The following MTURN variants were observed in gnomAD, a reference collection of about 807,000 sequenced individuals.
MTURN encodes the protein maturin, neural progenitor differentiation regulator homolog.
Under a neutral mutation model 14.9 loss-of-function variants are expected in MTURN, and 7 were observed. The observed-to-expected ratio is 0.47, with a 90% confidence interval of 0.27 to 0.88. The LOEUF is 0.88. MTURN is among the 40% of genes least tolerant of loss of function. The pLI, the probability that MTURN is intolerant of heterozygous loss-of-function variation, is 0.14. For synonymous variants in MTURN, 69 were observed against 72.5 expected, an observed-to-expected ratio of 0.95 and a Z score of 0.25; for missense variants, 151 against 174.1, an observed-to-expected ratio of 0.87 and a Z score of 0.75.
intron 1 of MTURN, among the ~76,000 whole-genome samples, chr7:30,142,694 C>T (rs543397303): frequency 8.6e-4 from 131 of 152,302 alleles, no homozygotes; most frequent in African/African-American, 3.0e-3. Flanking sequence ...CCCCCCAGCA[C>T]GCAACTCTGA....
chr7:30,141,503 C>G (rs1797052731), intron 1 of MTURN: 1 of 151,268 alleles, frequency 6.6e-6, no homozygotes, highest in Non-Finnish European at 1.5e-5. Context: ...CCATCTGTTT[C>G]CAGGACAAGA....
chr7:30,151,747 T>A (rs1457197518), intron 2 of MTURN, among the ~76,000 whole-genome samples: 1 of 152,182 alleles, frequency 6.6e-6, no homozygotes, highest in Admixed American at 6.5e-5. Context: ...TGGCCCGGCC[T>A]GGAGTTGGGT....
At chr7:30,142,442 A>G (rs1407286496) in intron 1 of MTURN, among the ~76,000 whole-genome samples, 2 of 152,134 alleles carry the variant, frequency 1.3e-5, no homozygotes, top group Non-Finnish European at 2.9e-5. Flanking sequence ...CACACCACCC[A>G]CAACCCCCTT....
At chr7:30,155,378 A>G (rs1169615688) in intron 2 of MTURN, among the ~76,000 whole-genome samples, 3 of 152,334 alleles carry the variant, frequency 2.0e-5, no homozygotes, top group Admixed American at 2.0e-4. Context: ...TTACCTTGCT[A>G]TGTCATCGAG....
chr7:30,135,109 G>A lies in MTURN; in HGVS notation c.-28G>A. On this transcript the variant is annotated 5_prime_UTR_variant, in exon 1 of 3. Coordinates refer to ENST00000324453, the MANE Select transcript of MTURN (RefSeq NM_152793.3). ...GGCGCCTAGGAGCGGGAGGGCGGGC[G>A]GCGGCGGGAGGCGGGCGCGGGGCCG... is the stretch of plus-strand genomic sequence containing the variant. 3.6e-6 allele frequency: 5 copies of A among 1,408,432 alleles called. No individual in the cohort carries two copies. Among genetic ancestry groups the A allele is most frequent in the Non-Finnish European group, 4.7e-6 (5 of 1,067,254 alleles). The allele number at this position is 1,408,432 out of a possible 1,614,324, so 87.2% of individuals were successfully genotyped here. A position where few individuals can be genotyped will look rare whatever the true frequency, so the allele number is the denominator to read the frequency against.
At chr7:30,146,739 A>T (rs1158038952) in intron 2 of MTURN, among the ~76,000 whole-genome samples, 6 of 152,170 alleles carry the variant, frequency 3.9e-5, no homozygotes, top group African/African-American at 1.4e-4. Context: ...ATGGAAAAGG[A>T]TGAAACTGGA....
At chr7:30,156,563 AC>A (rs1235785626) in intron 2 of MTURN, among the ~76,000 whole-genome samples, 1 of 152,158 alleles carries the variant, frequency 6.6e-6, no homozygotes, top group Non-Finnish European at 1.5e-5. Flanking sequence ...ATGGTGGCTC[AC>A]GCCTGTAATC....
intron 2 of MTURN, among the ~76,000 whole-genome samples, chr7:30,152,716 T>C (rs67920764): frequency 0.13 from 19,354 of 152,162 alleles, 1,362 homozygotes; most frequent in African/African-American, 0.17. Context: ...CCCACTGTGC[T>C]GAGTGCCCCC....
intron 1 of MTURN, chr7:30,137,627 C>T (rs972474455): frequency 4.2e-6 from 2 of 471,176 alleles, no homozygotes; most frequent in East Asian, 1.4e-4. Context: ...GTTCTGGAGG[C>T]TCTAATGGAC....
intron 2 of MTURN, among the ~76,000 whole-genome samples, chr7:30,150,480 C>T (rs1183022789): frequency 6.6e-6 from 1 of 152,238 alleles, no homozygotes; most frequent in East Asian, 1.9e-4. Flanking sequence ...AGTGGATGCA[C>T]CTGTCCTCCC....
At chr7:30,151,515 A>G (rs1472702888) in intron 2 of MTURN, among the ~76,000 whole-genome samples, 1 of 152,220 alleles carries the variant, frequency 6.6e-6, no homozygotes, top group Non-Finnish European at 1.5e-5. Context: ...TGCTGGGTAG[A>G]AAACAGTTTA....
At chr7:30,149,940 G>A (rs1307184131) in intron 2 of MTURN, among the ~76,000 whole-genome samples, 1 of 152,214 alleles carries the variant, frequency 6.6e-6, no homozygotes, top group African/African-American at 2.4e-5. Flanking sequence ...ATGTTCTGCA[G>A]GGGGTTGCTT....
rs1330883226 is a variant in MTURN, at chr7:30,162,235, C to T, written c.*4687C>T. The T allele has an allele frequency of 6.6e-6, 1 of 152,136 alleles. No homozygotes were observed. The highest frequency in any genetic ancestry group is 2.4e-5 in the African/African-American group (1 of 41,424). 9.4% of individuals were successfully genotyped at this position (152,136 alleles called of 1,614,324 possible). On this transcript the variant is annotated 3_prime_UTR_variant, in exon 3 of 3. Coordinates refer to ENST00000324453, the MANE Select transcript of MTURN (RefSeq NM_152793.3). ...TGACAGTCTGTTCTTTGTAAACTGCCTTTCCCTGTTTTTCTGTTTTGTTTT... is the reference window on the plus strand; with the variant it reads ...TGACAGTCTGTTCTTTGTAAACTGCTTTTCCCTGTTTTTCTGTTTTGTTTT...
At chr7:30,144,690 A>G (rs1304539597) in intron 1 of MTURN, among the ~76,000 whole-genome samples, 1 of 152,186 alleles carries the variant, frequency 6.6e-6, no homozygotes, top group Non-Finnish European at 1.5e-5. Flanking sequence ...AAGATGGTAC[A>G]TTGGCACCTA....
intron 2 of MTURN, among the ~76,000 whole-genome samples, chr7:30,150,891 A>G (rs1028094928): frequency 3.9e-5 from 6 of 152,212 alleles, no homozygotes; most frequent in Non-Finnish European, 5.9e-5. Flanking sequence ...ACTTGGCCTC[A>G]GTGTCCCCAG....
chr7:30,154,205 C>T (rs373238100), intron 2 of MTURN, among the ~76,000 whole-genome samples: 2 of 152,042 alleles, frequency 1.3e-5, no homozygotes, highest in Non-Finnish European at 2.9e-5. Flanking sequence ...AGAAGAACCA[C>T]GTGGTCCCGT....
At chr7:30,150,114 T>G (rs934901794) in intron 2 of MTURN, among the ~76,000 whole-genome samples, 1 of 152,202 alleles carries the variant, frequency 6.6e-6, no homozygotes, top group African/African-American at 2.4e-5. Context: ...TTTGTAAAAT[T>G]AGAAAATTAA....
chr7:30,150,122 T>G (rs1424733819), intron 2 of MTURN, among the ~76,000 whole-genome samples: 1 of 152,194 alleles, frequency 6.6e-6, no homozygotes, highest in East Asian at 1.9e-4. Flanking sequence ...ATTAGAAAAT[T>G]AATGATGATA....
intron 1 of MTURN, among the ~76,000 whole-genome samples, chr7:30,136,233 A>C (rs553692667): frequency 1.3e-5 from 2 of 151,990 alleles, no homozygotes; most frequent in East Asian, 3.9e-4. Flanking sequence ...CAAACCTTCC[A>C]CTTTGAATCC....
Sources: allele counts gnomAD v4.1 joint callset (sites outside exome capture counted in the v4.1 genomes callset), GRCh38; gene constraint gnomAD v4.1.1; transcripts MANE v1.5; gene names NCBI Gene and HGNC (gene_info 2026-07-23, HGNC 2026-07-21).